PFKP: variants seen among roughly 807,000 people sequenced by gnomAD.
PFKP encodes the protein phosphofructokinase, platelet, also known as ATP-dependent 6-phosphofructokinase, platelet type.
A neutral mutation model predicts 94.3 loss-of-function variants in PFKP; 101 were observed. The observed-to-expected ratio is 1.07, with a 90% CI of 0.91 to 1.26. The LOEUF is 1.26. Among genes scored for constraint, PFKP ranks in the 50% most tolerant of loss-of-function variants. The pLI, the probability that PFKP is intolerant of heterozygous loss-of-function variation, is 0.00. For synonymous variants in PFKP, 573 were observed against 432.6 expected (o/e 1.32, Z -4.03); for missense variants, 1,145 against 1,103.3 (o/e 1.04, Z -0.53).
At chr10:3,087,980 C>CGTTTT (rs1767628352) in intron 2 of PFKP, among the ~76,000 whole-genome samples, 1 of 76,020 alleles carries the variant, frequency 1.3e-5, no homozygotes, top group African/African-American at 5.7e-5. Context: ...CTGTATCTTT[C>CGTTTT]ATTCTTTTTT....
intron 13 of PFKP, among the ~76,000 whole-genome samples, chr10:3,115,327 A>G (rs35129023): frequency 0.6 from 56,425 of 93,978 alleles, 19,120 homozygotes; most frequent in African/African-American, 0.75. Context: ...TGTGTGTCCC[A>G]CGGCGGAGGA....
chr10:3,126,432 A>G (rs892645315), intron 16 of PFKP, among the ~76,000 whole-genome samples: 2 of 152,104 alleles, frequency 1.3e-5, no homozygotes, highest in Non-Finnish European at 2.9e-5. Context: ...CGCTGGCTTC[A>G]CTCTCCTTTA....
At chr10:3,072,975 G>T (rs1460832988) in intron 1 of PFKP, among the ~76,000 whole-genome samples, 6 of 151,918 alleles carry the variant, frequency 3.9e-5, no homozygotes, top group Admixed American at 1.3e-4. Flanking sequence ...TTCTGGTGTT[G>T]TGTTTTTGTT....
At chr10:3,070,711 C>A (rs1832116661) in intron 1 of PFKP, among the ~76,000 whole-genome samples, 2 of 152,194 alleles carry the variant, frequency 1.3e-5, no homozygotes, top group African/African-American at 4.8e-5. Flanking sequence ...CAAAACAGAT[C>A]TTAATTCCAA....
chr10:3,124,621 C>T (rs915946430), intron 16 of PFKP, among the ~76,000 whole-genome samples: 8 of 152,242 alleles, frequency 5.3e-5, no homozygotes, highest in Non-Finnish European at 7.3e-5. Flanking sequence ...ACCTGGGCGC[C>T]GCCTCTGCAC....
intron 2 of PFKP, among the ~76,000 whole-genome samples, chr10:3,084,225 C>A (rs1214464729): frequency 1.3e-5 from 2 of 152,176 alleles, no homozygotes; most frequent in Non-Finnish European, 2.9e-5. Flanking sequence ...GAAACCTGTC[C>A]AGCCTCGTCC....
At chr10:3,077,894 T>C (rs1356924400) in intron 1 of PFKP, among the ~76,000 whole-genome samples, 1 of 152,254 alleles carries the variant, frequency 6.6e-6, no homozygotes, top group East Asian at 1.9e-4. Context: ...ACTTTATTTT[T>C]GGTTCTCATG....
rs187878196 is a variant in PFKP, at chr10:3,114,650, G to A, written c.1371+1132G>A. ...AGATCCCCCAGACAGCAATGCTGGG[G>A]AAGGTGCTCCCAGGCTGCTGGTGGC... On this transcript the variant is annotated intron_variant, in intron 13 of 21. Coordinates refer to ENST00000381125, the MANE Select transcript of PFKP (RefSeq NM_002627.5). Among the ~76,000 whole-genome samples, 358 of 152,362 alleles carry A rather than the reference G, an allele frequency of 2.3e-3. 2 individuals are homozygous for A. In the Middle Eastern group the frequency reaches 0.024, roughly 10 times the overall value.
chr10:3,129,619 T>G, intron 16 of PFKP, 200 bp from the exon 17 acceptor site: 1 of 579,304 alleles, frequency 1.7e-6, no homozygotes, highest in South Asian at 2.1e-5. Context: ...GCTGCCATGG[T>G]GGGGTTGCGG....
chr10:3,093,661 T>TTTTTTTTTTTTTTTTTTTA (rs1834234003), intron 2 of PFKP, among the ~76,000 whole-genome samples: 1 of 107,722 alleles, frequency 9.3e-6, no homozygotes, highest in African/African-American at 3.9e-5. Flanking sequence ...TTTTTTTTTT[T>TTTTTTTTTTTTTTTTTTTA]GAGACAGAGT....
chr10:3,102,250 C>CAAA (rs757381364), intron 4 of PFKP, among the ~76,000 whole-genome samples: 628 of 54,750 alleles, frequency 0.011, 47 homozygotes, highest in African/African-American at 0.035. Flanking sequence ...GACTCTGTCT[C>CAAA]AAAAAAAAAA....
intron 17 of PFKP, 144 bp from the exon 18 acceptor site, chr10:3,132,236 C>A: frequency 1.6e-6 from 1 of 629,600 alleles, no homozygotes; most frequent in Non-Finnish European, 2.9e-6. Context: ...AGGAGGCTCC[C>A]CAAGACCCAA....
chr10:3,079,663 G>GGT (rs1491225491), intron 1 of PFKP, among the ~76,000 whole-genome samples: 9 of 8,726 alleles, frequency 1.0e-3, no homozygotes, highest in Non-Finnish European at 1.5e-3. Context: ...AGAGCGGGGT[G>GGT]GGGGGGGGGG....
chr10:3,071,266 G>C (rs1832155971), intron 1 of PFKP, among the ~76,000 whole-genome samples: 1 of 152,088 alleles, frequency 6.6e-6, no homozygotes, highest in Non-Finnish European at 1.5e-5. Context: ...TCTCTCAGTA[G>C]AGTGTATATT....
intron 19 of PFKP, among the ~76,000 whole-genome samples, chr10:3,134,005 A>T (rs1351047912): frequency 6.6e-6 from 1 of 152,202 alleles, no homozygotes; most frequent in Non-Finnish European, 1.5e-5. Context: ...CACACGTGTT[A>T]TGAGCTGAGC....
At chr10:3,112,350 C>T in intron 11 of PFKP, 64 bp downstream of exon 11, 8 of 1,191,284 alleles carry the variant, frequency 6.7e-6, no homozygotes, top group Non-Finnish European at 1.0e-5. Context: ...CCAGCCACTG[C>T]AAACGTGCTT....
chr10:3,082,472 G>T lies in PFKP; in HGVS notation c.186+11G>T, dbSNP rs374817428. ...TACTTCATCTACGAGGTCAGTGTCTGCCCCTCACCCCCTGTCGCCCTTCTT... is the reference window on the plus strand; with the variant it reads ...TACTTCATCTACGAGGTCAGTGTCTTCCCCTCACCCCCTGTCGCCCTTCTT... On this transcript the variant is annotated intron_variant, in intron 2 of 21. Transcript: ENST00000381125. 10 of 1,594,354 alleles carry T rather than the reference G, an allele frequency of 6.3e-6. No individual in the cohort carries two copies. The highest frequency in any genetic ancestry group is 7.7e-6 in the Non-Finnish European group (9 of 1,166,506).
chr10:3,111,355 C>T lies in PFKP; in HGVS notation c.1090-867C>T, dbSNP rs150296135. ...GAGTGTGAGGTAGTGTGTGTCTGCA[C>T]GTTAGTGTGTGCCTGTGTGCATGTG... On this transcript the variant is annotated intron_variant, in intron 10 of 21. Coordinates refer to ENST00000381125, the MANE Select transcript of PFKP (RefSeq NM_002627.5). Among the ~76,000 whole-genome samples the T allele has an allele frequency of 1.0e-3, 153 of 151,782 alleles. 1 individual carries two copies. The highest frequency in any genetic ancestry group is 3.3e-3 in the African/African-American group (138 of 41,358).
At chr10:3,106,081 T>A (rs1381574857) in intron 7 of PFKP, among the ~76,000 whole-genome samples, 1 of 152,164 alleles carries the variant, frequency 6.6e-6, no homozygotes, top group Non-Finnish European at 1.5e-5. Flanking sequence ...CTCTCCCGAC[T>A]CTCTGCTGCT....
Sources: allele counts gnomAD v4.1 joint callset (sites outside exome capture counted in the v4.1 genomes callset), GRCh38; gene constraint gnomAD v4.1.1; transcripts MANE v1.5; gene names NCBI Gene and HGNC (gene_info 2026-07-23, HGNC 2026-07-21).